PRKCZ: variants seen among roughly 807,000 people sequenced by gnomAD.
PRKCZ encodes protein kinase C zeta.
A neutral mutation model predicts 79.5 loss-of-function variants in PRKCZ; 33 were observed. The observed-to-expected ratio is 0.41, with a 90% CI of 0.31 to 0.55. PRKCZ has a LOEUF of 0.55. Ranked by LOEUF, PRKCZ falls within the 20% of genes least tolerant of loss-of-function variation. The probability of loss-of-function intolerance (pLI) is 0.19; values close to 1 mark genes in which losing one functional copy is unlikely to be tolerated. For synonymous variants in PRKCZ, 342 were observed against 320.9 expected (o/e 1.07, Z -0.70); for missense variants, 578 against 813.5 (o/e 0.71, Z 3.52).
chr1:2,155,837 A>G lies in PRKCZ; in HGVS notation c.877-158A>G, dbSNP rs574929904. On this transcript the variant is annotated intron_variant, in intron 9 of 17. Coordinates refer to ENST00000378567, the MANE Select transcript of PRKCZ (RefSeq NM_002744.6). ...GGTAGAGGTGGGGTGGATGGTGACAATGGTGGTAATGCAGTTCCTAATGGG... is the reference window on the plus strand; with the variant it reads ...GGTAGAGGTGGGGTGGATGGTGACAGTGGTGGTAATGCAGTTCCTAATGGG... Among the ~76,000 whole-genome samples the G allele has an allele frequency of 1.3e-3, 197 of 152,066 alleles. 1 individual carries two copies. The highest frequency in any genetic ancestry group is 4.4e-3 in the African/African-American group (183 of 41,476).
intron 1 of PRKCZ, among the ~76,000 whole-genome samples, chr1:2,052,914 T>C (rs1358886603): frequency 6.6e-6 from 1 of 152,096 alleles, no homozygotes; most frequent in Non-Finnish European, 1.5e-5. Context: ...TCCTTGCCTG[T>C]CCTCCCAGGG....
intron 4 of PRKCZ, among the ~76,000 whole-genome samples, chr1:2,084,412 C>G (rs1664118244): frequency 6.6e-6 from 1 of 152,238 alleles, no homozygotes; most frequent in Admixed American, 6.5e-5. Flanking sequence ...ACTCGCGGCT[C>G]CCCTGCCTGG....
At chr1:2,102,521 A>G (rs535852360) in intron 4 of PRKCZ, among the ~76,000 whole-genome samples, 71 of 151,478 alleles carry the variant, frequency 4.7e-4, no homozygotes, top group Admixed American at 1.8e-3. Context: ...TTTAGTAGAG[A>G]TGGGGTTTCA....
rs1332280237 is a variant in PRKCZ at position 2,149,076 on chromosome 1, A to C, written c.687+152A>C. 2.4e-6 allele frequency: 2 copies of C among 825,474 alleles called. No individual in the cohort carries two copies. Among genetic ancestry groups the C allele is most frequent in the Admixed American group, 2.6e-5 (1 of 39,182 alleles). 51.1% of individuals were successfully genotyped at this position (825,474 alleles called of 1,614,324 possible). ...TCACGGGTGTGGATGTCTAGAAGGAAGTCCTTATTCTTGGGTCTTACTTCA... is the reference window on the plus strand; with the variant it reads ...TCACGGGTGTGGATGTCTAGAAGGACGTCCTTATTCTTGGGTCTTACTTCA... On this transcript the variant is annotated intron_variant, in intron 8 of 17. Coordinates refer to ENST00000378567, the MANE Select transcript of PRKCZ (RefSeq NM_002744.6). The surrounding 1 kb of genome is among the most constrained non-coding windows in gnomAD (Gnocchi z 4.1).
At chr1:2,114,181 C>G (rs1005228420) in intron 4 of PRKCZ, among the ~76,000 whole-genome samples, 2 of 108,206 alleles carry the variant, frequency 1.8e-5, no homozygotes, top group African/African-American at 7.3e-5. Context: ...TCCGTCGTGG[C>G]CTGGGAGGAC....
At chr1:2,057,424 G>T (rs1660270665) in intron 3 of PRKCZ, among the ~76,000 whole-genome samples, 1 of 152,220 alleles carries the variant, frequency 6.6e-6, no homozygotes, top group African/African-American at 2.4e-5. Context: ...TCCTTGCCAG[G>T]CGTCTGGCCA....
chr1:2,093,173 C>T (rs537796982), intron 4 of PRKCZ, among the ~76,000 whole-genome samples: 3 of 151,692 alleles, frequency 2.0e-5, no homozygotes, highest in East Asian at 1.9e-4. Flanking sequence ...AGGCAGATGG[C>T]GAGGGCCCCA....
chr1:2,102,756 A>G (rs1221840611), intron 4 of PRKCZ, among the ~76,000 whole-genome samples: 1 of 151,558 alleles, frequency 6.6e-6, no homozygotes, highest in Non-Finnish European at 1.5e-5. Flanking sequence ...TCCTCCCCCA[A>G]CCCCCAACTC....
chr1:2,066,045 T>G (rs753790876), intron 4 of PRKCZ, among the ~76,000 whole-genome samples: 1 of 152,232 alleles, frequency 6.6e-6, no homozygotes, highest in African/African-American at 2.4e-5. Context: ...TGCTGCCGAA[T>G]TCATTTTACT....
chr1:2,104,837 G>A (rs990814866), intron 4 of PRKCZ: 13 of 985,740 alleles, frequency 1.3e-5, no homozygotes, highest in Non-Finnish European at 1.4e-5. Context: ...GGGTGTTGCG[G>A]TGTGAGCGGG....
rs1049887267 is a variant in PRKCZ, at chr1:2,125,659, C to T, written c.335-9603C>T. 1.3e-5 allele frequency among the ~76,000 whole-genome samples: 2 copies of T among 152,202 alleles called. No individual in the cohort carries two copies. Among genetic ancestry groups the T allele is most frequent in the Non-Finnish European group, 1.5e-5 (1 of 68,038 alleles). On this transcript the variant is annotated intron_variant, in intron 4 of 17. Transcript: ENST00000378567. The surrounding 1 kb of genome is among the most constrained non-coding windows in gnomAD (Gnocchi z 4.2). ...AAGACTGAGACCCTGTGGTGCCTCC[C>T]GCTTTCCATCCGCATTCCATGGCAG...
chr1:2,050,302 T>C (rs1205153279), upstream of PRKCZ, among the ~76,000 whole-genome samples: 2 of 151,252 alleles, frequency 1.3e-5, no homozygotes, highest in Admixed American at 6.6e-5. Flanking sequence ...CCCCCGAGGA[T>C]TGGCCCAGGT....
At position 2,155,999 on chromosome 1, in the gene PRKCZ, T is replaced by C. The variant is rs1680969080; in HGVS notation, c.881T>C (p.Ile294Thr). The change falls in exon 10 of 18, where the codon ATT becomes ACT. Residue 294 changes from isoleucine to threonine, a missense_variant. Ile to Thr is a moderately conservative substitution (Grantham distance 89). Transcript: ENST00000378567. ...KKELVHDDED[I>T]DWVQTEKHVF... ...ACTCCCTGGTTTCTATTTCAGGATATTGACTGGGTACAGACAGAGAAGCAC... is the reference window on the plus strand; with the variant it reads ...ACTCCCTGGTTTCTATTTCAGGATACTGACTGGGTACAGACAGAGAAGCAC... 4 of 1,613,662 alleles carry C rather than the reference T, an allele frequency of 2.5e-6. No individual in the cohort carries two copies. In the South Asian group the frequency reaches 3.3e-5, roughly 13 times the overall value.
intron 4 of PRKCZ, among the ~76,000 whole-genome samples, chr1:2,089,515 G>A (rs974622183): frequency 6.6e-6 from 1 of 152,180 alleles, no homozygotes. Flanking sequence ...CAGATTTGGT[G>A]CCTGGTAAGG....
intron 4 of PRKCZ, among the ~76,000 whole-genome samples, chr1:2,111,220 G>A (rs1447281561): frequency 6.6e-6 from 1 of 152,122 alleles, no homozygotes; most frequent in Non-Finnish European, 1.5e-5. Flanking sequence ...GCCCTCAGGA[G>A]GGTGCTGTGG....
rs1464764500 is a variant in PRKCZ at position 2,148,872 on chromosome 1, TTGCTTACATTTCCTCA to T, written c.637_652del (p.Ala213ProfsTer37). 2 of 1,613,776 alleles carry T rather than the reference TTGCTTACATTTCCTCA, an allele frequency of 1.2e-6. No homozygotes were observed. Among genetic ancestry groups the T allele is most frequent in the Non-Finnish European group, 1.7e-6 (2 of 1,179,824 alleles). ...CCTTCCTTCCTCCCTCTCTCACCAG[TTGCTTACATTTCCTCA>T]TCCCGGAAGCATGACAGCATTAAAG... On this transcript the variant is annotated frameshift_variant and splice_region_variant, in exon 8 of 18. Coordinates refer to ENST00000378567, the MANE Select transcript of PRKCZ (RefSeq NM_002744.6). LOFTEE classifies it high-confidence loss of function.
chr1:2,070,123 G>T (rs1231969451), intron 4 of PRKCZ, among the ~76,000 whole-genome samples: 1 of 152,182 alleles, frequency 6.6e-6, no homozygotes, highest in Non-Finnish European at 1.5e-5. Flanking sequence ...GCAGCTGGTG[G>T]TGTCCTCGGG....
At chr1:2,103,648 C>T (rs1361728550) in intron 4 of PRKCZ, among the ~76,000 whole-genome samples, 1 of 152,196 alleles carries the variant, frequency 6.6e-6, no homozygotes, top group Non-Finnish European at 1.5e-5. Context: ...GAGGGAGGAT[C>T]GCTTGAGCCC....
chr1:2,121,225 G>A lies in PRKCZ; in HGVS notation c.335-14037G>A, dbSNP rs79748977. Among the ~76,000 whole-genome samples the A allele has an allele frequency of 3.2e-3, 480 of 152,304 alleles. 12 individuals are homozygous for A. The East Asian group carries it at 0.066, about 21-fold the overall frequency. On this transcript the variant is annotated intron_variant, in intron 4 of 17. Coordinates refer to ENST00000378567, the MANE Select transcript of PRKCZ (RefSeq NM_002744.6). ...AACCCTTAACTCCTCCCAGTGTGGC[G>A]GGGGCAGTCTTGTCTGAACAAGGCA...
Sources: gnomAD v4.1 joint callset for allele counts (sites outside exome capture counted in the v4.1 genomes callset) on GRCh38, gnomAD v4.1.1 for gene constraint, Gnocchi (gnomAD v3.1) non-coding constraint, MANE v1.5 for transcripts, NCBI Gene and HGNC (gene_info 2026-07-23, HGNC 2026-07-21) for gene names.